ZNF608: variants seen among roughly 807,000 people sequenced by gnomAD.
ZNF608 encodes zinc finger protein 608.
Under a neutral mutation model 109.0 loss-of-function variants are expected in ZNF608, and 12 were observed. The ratio of observed to expected loss-of-function variants is 0.11; its 90% CI spans 0.07 to 0.18. ZNF608 has a LOEUF of 0.18. Ranked by LOEUF, ZNF608 falls within the 10% of genes least tolerant of loss-of-function variation. ZNF608 has a pLI of 1.00. For synonymous variants in ZNF608, 732 were observed against 717.4 expected (o/e 1.02, Z -0.33); for missense variants, 1,707 against 1,879.3 (o/e 0.91, Z 1.70).
intron 2 of ZNF608, among the ~76,000 whole-genome samples, chr5:124,702,691 A>C (rs1304810933): frequency 6.6e-6 from 1 of 152,198 alleles, no homozygotes; most frequent in Non-Finnish European, 1.5e-5. Context: ...GAGTGATCCA[A>C]GATGCAACAG....
At chr5:124,698,953 C>G (rs1170028636) in intron 3 of ZNF608, among the ~76,000 whole-genome samples, 3 of 152,150 alleles carry the variant, frequency 2.0e-5, no homozygotes, top group Non-Finnish European at 2.9e-5. Flanking sequence ...CTACTCCACA[C>G]TTGAATAAAT....
chr5:124,706,946 G>C (rs961808654), intron 2 of ZNF608, among the ~76,000 whole-genome samples: 2 of 152,170 alleles, frequency 1.3e-5, no homozygotes, highest in Admixed American at 1.3e-4. Context: ...AGGGAGGCAG[G>C]GAAGAAAAGG....
At chr5:124,736,635 G>C (rs1157528676) in intron 2 of ZNF608, among the ~76,000 whole-genome samples, 1 of 151,860 alleles carries the variant, frequency 6.6e-6, no homozygotes, top group East Asian at 1.9e-4. Flanking sequence ...ACCTAACTAG[G>C]AACAACTTAG....
chr5:124,679,654 G>A (rs541173335), intron 3 of ZNF608, among the ~76,000 whole-genome samples: 111 of 152,304 alleles, frequency 7.3e-4, no homozygotes, highest in African/African-American at 2.6e-3. Flanking sequence ...GAAGTAGGTA[G>A]ACTAAAGGAA....
At chr5:124,690,139 C>T (rs868416669) in intron 3 of ZNF608, among the ~76,000 whole-genome samples, 4 of 152,130 alleles carry the variant, frequency 2.6e-5, no homozygotes, top group African/African-American at 4.8e-5. Flanking sequence ...AGGCTACAGA[C>T]AGTATGATTC....
chr5:124,702,527 CAAAAA>C (rs2149852575), intron 2 of ZNF608, among the ~76,000 whole-genome samples: 1 of 146,666 alleles, frequency 6.8e-6, no homozygotes, highest in East Asian at 2.0e-4. Flanking sequence ...AGAAACAAAA[CAAAAA>C]GAGTGTATTT....
In ZNF608 at chr5:124,701,313, A is replaced by G. The variant is rs532519747; in HGVS notation, c.907-44T>C. 3.7e-6 allele frequency: 6 copies of G among 1,600,342 alleles called. No homozygotes were observed. In the East Asian group the frequency reaches 1.3e-4, roughly 36 times the overall value. ...TACTGCAGTAGTGCTGCATTCCGTG[A>G]ATTCCTTTTAATGCAATTTGCTTAT... On this transcript the variant is annotated intron_variant, in intron 2 of 9. Transcript: ENST00000513986.
intron 2 of ZNF608, among the ~76,000 whole-genome samples, chr5:124,707,137 T>C (rs1753295748): frequency 6.6e-6 from 1 of 152,150 alleles, no homozygotes. Flanking sequence ...TTTTCATCAC[T>C]GGGGCATTTC....
intron 3 of ZNF608, among the ~76,000 whole-genome samples, chr5:124,659,882 C>T (rs1254470826): frequency 2.0e-5 from 3 of 152,218 alleles, no homozygotes; most frequent in Non-Finnish European, 4.4e-5. Context: ...AGCCAGGCTT[C>T]CTATAAATTA....
At chr5:124,675,679 A>ATT (rs977924374) in intron 3 of ZNF608, among the ~76,000 whole-genome samples, 6 of 152,144 alleles carry the variant, frequency 3.9e-5, no homozygotes, top group Admixed American at 2.0e-4. Flanking sequence ...TACGGCCATC[A>ATT]TTTTTTTAGA....
chr5:124,657,705 A>G (rs1347044301), intron 3 of ZNF608, among the ~76,000 whole-genome samples: 1 of 152,074 alleles, frequency 6.6e-6, no homozygotes, highest in Non-Finnish European at 1.5e-5. Context: ...AAACAAAAAC[A>G]GATCATTAGA....
Position 124,648,332 on chromosome 5 carries a change from G to A in ZNF608, c.2052C>T (p.Asp684=). Residue 684 remains aspartate (D), a synonymous_variant, in exon 5 of 10, where the codon GAC becomes GAT. Coordinates refer to ENST00000513986, the MANE Select transcript of ZNF608 (RefSeq NM_020747.3). The stretch of plus-strand genomic sequence containing the variant: ...AACTGCCGTCTGCTGCCGAGCAACT[G>A]TCTAACGCAGCCGTCATGTTGGAGA... ...PVISNMTAAL[D]SCSAADGSLA... is the part of the protein sequence containing the mutation. 1 of 1,614,218 alleles carries A rather than the reference G, an allele frequency of 6.2e-7. No individual in the cohort carries two copies. The highest frequency in any genetic ancestry group is 8.5e-7 in the Non-Finnish European group (1 of 1,180,042).
intron 3 of ZNF608, among the ~76,000 whole-genome samples, chr5:124,683,713 T>A (rs1208467247): frequency 6.6e-6 from 1 of 152,174 alleles, no homozygotes; most frequent in Admixed American, 6.5e-5. Context: ...GAATAAAAGT[T>A]AAAAAGAAAA....
intron 5 of ZNF608, among the ~76,000 whole-genome samples, chr5:124,645,449 G>A (rs1750454148): frequency 1.3e-5 from 2 of 152,080 alleles, no homozygotes; most frequent in Admixed American, 1.3e-4. Flanking sequence ...AACCCACTGG[G>A]GATTCAGGTT....
intron 3 of ZNF608, 69 bp from the exon 4 acceptor site, chr5:124,649,766 TA>T (rs1462924949): frequency 2.0e-6 from 2 of 1,022,314 alleles, no homozygotes; most frequent in Admixed American, 5.8e-5. Flanking sequence ...GTTCACTTAT[TA>T]TTTTTTTCTC....
chr5:124,651,904 C>T (rs1750803058), intron 3 of ZNF608, among the ~76,000 whole-genome samples: 1 of 152,238 alleles, frequency 6.6e-6, no homozygotes, highest in Non-Finnish European at 1.5e-5. Flanking sequence ...TGCTCGGCTC[C>T]CTCGGTGCAC....
chr5:124,645,939 T>A (rs908069531), intron 5 of ZNF608, among the ~76,000 whole-genome samples: 1 of 152,184 alleles, frequency 6.6e-6, no homozygotes, highest in Non-Finnish European at 1.5e-5. Flanking sequence ...GTTTTTATTA[T>A]CTTCAAAGAA....
intron 2 of ZNF608, among the ~76,000 whole-genome samples, chr5:124,703,477 C>T (rs1296671420): frequency 6.6e-6 from 1 of 152,142 alleles, no homozygotes; most frequent in Non-Finnish European, 1.5e-5. Context: ...CTAGAAAACA[C>T]ATTCCTGGCC....
At chr5:124,705,253 A>T (rs1289370662) in intron 2 of ZNF608, among the ~76,000 whole-genome samples, 1 of 152,220 alleles carries the variant, frequency 6.6e-6, no homozygotes, top group African/African-American at 2.4e-5. Flanking sequence ...GACTCCCTCC[A>T]GTGAGGAGGC....
Sources: gnomAD v4.1 joint callset for allele counts (sites outside exome capture counted in the v4.1 genomes callset) on GRCh38, gnomAD v4.1.1 for gene constraint, MANE v1.5 for transcripts, NCBI Gene and HGNC (gene_info 2026-07-23, HGNC 2026-07-21) for gene names.